The following ATRNL1 variants were observed in gnomAD, a reference collection of about 807,000 sequenced individuals.
ATRNL1 encodes the protein attractin-like protein 1.
A neutral mutation model predicts 182.7 loss-of-function variants in ATRNL1; 95 were observed. That is an observed-to-expected ratio of 0.52 (90% CI 0.44 to 0.62). ATRNL1 has a LOEUF of 0.62. Among genes scored for constraint, ATRNL1 ranks in the 20% least tolerant of loss-of-function variants. The pLI, the probability that ATRNL1 is intolerant of heterozygous loss-of-function variation, is 0.00. For synonymous variants in ATRNL1, 576 were observed against 568.3 expected, an observed-to-expected ratio of 1.01 and a Z score of -0.19; for missense variants, 1,471 against 1,679.5, an observed-to-expected ratio of 0.88 and a Z score of 2.17.
chr10:115,344,094 T>A (rs868953255), intron 19 of ATRNL1, among the ~76,000 whole-genome samples: 5 of 152,052 alleles, frequency 3.3e-5, no homozygotes, highest in Admixed American at 6.5e-5. Context: ...CAGCACAACA[T>A]TGGATCTTGC....
intron 26 of ATRNL1, among the ~76,000 whole-genome samples, chr10:115,638,388 G>GAGT (rs139024887): frequency 0.053 from 8,035 of 152,104 alleles, 671 homozygotes; most frequent in African/African-American, 0.18. Flanking sequence ...CCCCGTCATT[G>GAGT]AGTATCACAT....
intron 10 of ATRNL1, among the ~76,000 whole-genome samples, chr10:115,254,771 C>G (rs1851043791): frequency 6.6e-6 from 1 of 152,056 alleles, no homozygotes; most frequent in African/African-American, 2.4e-5. Flanking sequence ...GGTTTTAGGT[C>G]TAACATTTAA....
In ATRNL1 at chr10:115,263,782, A is replaced by G. The variant is rs1051416870; in HGVS notation, c.1688-1411A>G. ...GTCTTAATCTTTATCATAGGCCTCC[A>G]TAATAATATTTTCTAAAATGTGATC... On this transcript the variant is annotated intron_variant, in intron 10 of 28. Transcript: ENST00000355044. Among the ~76,000 whole-genome samples, 11 of 151,786 alleles carry G rather than the reference A, an allele frequency of 7.2e-5. No homozygotes were observed. The East Asian group carries it at 2.1e-3, about 29-fold the overall frequency.
chr10:115,810,513 G>T (rs1176223586), intron 27 of ATRNL1, among the ~76,000 whole-genome samples: 1 of 151,906 alleles, frequency 6.6e-6, no homozygotes, highest in African/African-American at 2.4e-5. Context: ...TTCGGCCAGG[G>T]TAATTTTGAC....
chr10:115,437,283 A>G (rs1232827838), intron 21 of ATRNL1, among the ~76,000 whole-genome samples: 2 of 152,118 alleles, frequency 1.3e-5, no homozygotes, highest in Non-Finnish European at 2.9e-5. Flanking sequence ...GCTTTATAGA[A>G]CATGTAAGAT....
At chr10:115,472,437 T>C (rs1848350917) in intron 24 of ATRNL1, among the ~76,000 whole-genome samples, 1 of 151,084 alleles carries the variant, frequency 6.6e-6, no homozygotes, top group Non-Finnish European at 1.5e-5. Context: ...CTTTGGGTAG[T>C]GTGGCCATTT....
Position 115,160,138 on chromosome 10 carries a change from G to C in ATRNL1, c.928G>C (p.Ala310Pro). 1 of 1,612,400 alleles carries C rather than the reference G, an allele frequency of 6.2e-7. No individual in the cohort carries two copies. Among genetic ancestry groups the C allele is most frequent in the Non-Finnish European group, 8.5e-7 (1 of 1,179,096 alleles). ...SPSVGRASHK[A>P]VLHGKFMWVI... ...TTCTGTAGGTCGGGCTTCACATAAAGCAGTTTTACACGGGAAATTTATGTG... is the reference window on the plus strand; with the variant it reads ...TTCTGTAGGTCGGGCTTCACATAAACCAGTTTTACACGGGAAATTTATGTG... Residue 310 changes from alanine to proline, a missense_variant, in exon 6 of 29, where the codon GCA becomes CCA. Ala to Pro is a conservative substitution (Grantham distance 27, BLOSUM62 -1). This residue lies in a region of ATRNL1 where 1,031 missense variants were observed against 1,156.0 expected (regional missense o/e 0.89). Coordinates refer to ENST00000355044, the MANE Select transcript of ATRNL1 (RefSeq NM_207303.4).
chr10:115,536,929 G>A (rs539338877), intron 25 of ATRNL1, among the ~76,000 whole-genome samples: 2 of 151,910 alleles, frequency 1.3e-5, no homozygotes, highest in Non-Finnish European at 2.9e-5. Flanking sequence ...TAAACAATGT[G>A]TAAGGACACT....
chr10:115,929,859 T>C (rs1204426559), intron 28 of ATRNL1, among the ~76,000 whole-genome samples: 2 of 152,118 alleles, frequency 1.3e-5, no homozygotes, highest in African/African-American at 4.8e-5. Flanking sequence ...CTTTCCTATA[T>C]AAACATGTTT....
intron 19 of ATRNL1, among the ~76,000 whole-genome samples, chr10:115,370,209 C>T (rs11197188): frequency 0.014 from 2,197 of 152,246 alleles, 46 homozygotes; most frequent in East Asian, 0.07. Context: ...ATAAATTGCC[C>T]AGTCTCAGTA....
intron 26 of ATRNL1, among the ~76,000 whole-genome samples, chr10:115,617,248 G>A (rs563093449): frequency 7.2e-5 from 11 of 152,338 alleles, no homozygotes; most frequent in African/African-American, 2.4e-4. Flanking sequence ...TTTCAGACTT[G>A]CATGGGGCCT....
At chr10:115,755,317 A>G (rs1483351112) in intron 27 of ATRNL1, among the ~76,000 whole-genome samples, 1 of 152,150 alleles carries the variant, frequency 6.6e-6, no homozygotes, top group Non-Finnish European at 1.5e-5. Context: ...TGTCATAAAC[A>G]GCTCTTATGA....
intron 14 of ATRNL1, among the ~76,000 whole-genome samples, chr10:115,285,830 T>C (rs1852585764): frequency 6.6e-6 from 1 of 152,098 alleles, no homozygotes; most frequent in African/African-American, 2.4e-5. Context: ...TTGAAACTGC[T>C]TCTGTTATAA....
chr10:115,849,063 A>G (rs781818386), intron 28 of ATRNL1, among the ~76,000 whole-genome samples: 7 of 152,210 alleles, frequency 4.6e-5, no homozygotes, highest in Non-Finnish European at 1.0e-4. Context: ...AACGTTAGGT[A>G]TTCATGTAAC....
intron 27 of ATRNL1, among the ~76,000 whole-genome samples, chr10:115,797,625 G>A (rs951984290): frequency 2.6e-5 from 4 of 152,286 alleles, no homozygotes; most frequent in East Asian, 1.9e-4. Flanking sequence ...ATGTGTGCAC[G>A]TGTGTGTAGT....
At chr10:115,566,578 A>G (rs1854088383) in intron 26 of ATRNL1, among the ~76,000 whole-genome samples, 1 of 152,164 alleles carries the variant, frequency 6.6e-6, no homozygotes, top group South Asian at 2.1e-4. Context: ...GCTAAATGAT[A>G]TTACGGAGAC....
At chr10:115,260,143 C>T (rs1010666067) in intron 10 of ATRNL1, among the ~76,000 whole-genome samples, 2 of 152,106 alleles carry the variant, frequency 1.3e-5, no homozygotes, top group African/African-American at 2.4e-5. Context: ...TGTATAATTA[C>T]ATTACTATTA....
intron 10 of ATRNL1, among the ~76,000 whole-genome samples, chr10:115,249,906 T>C (rs938879156): frequency 2.0e-5 from 3 of 152,230 alleles, no homozygotes; most frequent in Non-Finnish European, 4.4e-5. Flanking sequence ...AGATTAAAAA[T>C]GTAGGAGACT....
intron 18 of ATRNL1, among the ~76,000 whole-genome samples, chr10:115,331,160 C>T (rs1018468153): frequency 5.9e-5 from 9 of 151,760 alleles, no homozygotes; most frequent in South Asian, 2.1e-4. Context: ...CCTGGGTTCA[C>T]GCCATTCTCC....
Sources: gnomAD v4.1 joint callset for allele counts (sites outside exome capture counted in the v4.1 genomes callset) on GRCh38, gnomAD v4.1.1 for gene constraint, gnomAD v4.1.1 regional missense constraint, MANE v1.5 for transcripts, NCBI Gene and HGNC (gene_info 2026-07-23, HGNC 2026-07-21) for gene names.